The following ADAMTS17 variants were observed in gnomAD, a reference collection of about 807,000 sequenced individuals.
ADAMTS17 encodes A disintegrin and metalloproteinase with thrombospondin motifs 17.
A neutral mutation model predicts 141.5 loss-of-function variants in ADAMTS17; 113 were observed. The observed-to-expected ratio is 0.80, with a 90% CI of 0.69 to 0.93. The LOEUF (loss-of-function observed/expected upper bound fraction) is 0.93, where lower values mean the gene tolerates loss of function less well. ADAMTS17 is among the 40% of genes least tolerant of loss of function. ADAMTS17 has a pLI of 0.00. For missense variants in ADAMTS17, 1,659 were observed against 1,517.9 expected, an observed-to-expected ratio of 1.09 and a Z score of -1.54; for synonymous variants, 768 against 630.6, an observed-to-expected ratio of 1.22 and a Z score of -3.27.
At chr15:100,134,836 C>T (rs1443351482) in intron 10 of ADAMTS17, among the ~76,000 whole-genome samples, 4 of 152,292 alleles carry the variant, frequency 2.6e-5, no homozygotes, top group East Asian at 3.9e-4. Context: ...ACTGCACATG[C>T]GCTTCAGAAA....
At chr15:100,117,065 G>A in intron 12 of ADAMTS17, 52 bp from the exon 13 acceptor site, 1 of 1,548,458 alleles carries the variant, frequency 6.5e-7, no homozygotes, top group Non-Finnish European at 8.7e-7. Flanking sequence ...CCAAAGGGCA[G>A]GAGAGCTGTT....
intron 15 of ADAMTS17, among the ~76,000 whole-genome samples, chr15:100,078,148 G>A (rs2034503053): frequency 6.6e-6 from 1 of 150,822 alleles, no homozygotes; most frequent in Non-Finnish European, 1.5e-5. Flanking sequence ...AGATGACATT[G>A]TAAAAAATGT....
rs553127414 is a variant in ADAMTS17, at chr15:100,183,466, A to G, written c.1181+15852T>C. Among the ~76,000 whole-genome samples, 11 of 152,200 alleles carry G rather than the reference A, an allele frequency of 7.2e-5. No individual in the cohort carries two copies. The South Asian group carries it at 1.2e-3, about 17-fold the overall frequency. Reference sequence around the variant, plus strand: ...CAATGAGAATTTTGTTGTTGTTCCTATATTTTTTCAGTTCTATAATTTTCA... The same window carrying G: ...CAATGAGAATTTTGTTGTTGTTCCTGTATTTTTTCAGTTCTATAATTTTCA... On this transcript the variant is annotated intron_variant, in intron 8 of 21. Coordinates refer to ENST00000268070, the MANE Select transcript of ADAMTS17 (RefSeq NM_139057.4).
At position 100,262,447 on chromosome 15, in the gene ADAMTS17, G is replaced by GA. The variant is rs762353760; in HGVS notation, c.790-13dup. The GA allele has an allele frequency of 2.5e-6, 4 of 1,603,918 alleles. No individual in the cohort carries two copies. Among genetic ancestry groups the GA allele is most frequent in the Non-Finnish European group, 3.4e-6 (4 of 1,173,752 alleles). On this transcript the variant is annotated splice_polypyrimidine_tract_variant and intron_variant, in intron 4 of 21. Coordinates refer to ENST00000268070, the MANE Select transcript of ADAMTS17 (RefSeq NM_139057.4). ...AACATATTGTATACCTATCAAGACAGAAAAAAGAAATAAAGATATAAAGAT... is the reference window on the plus strand; with the variant it reads ...AACATATTGTATACCTATCAAGACAGAAAAAAAGAAATAAAGATATAAAGAT...
Position 100,072,859 on chromosome 15 carries a change from T to C in ADAMTS17, c.2138-18805A>G, listed in dbSNP as rs113907981. ...GACATAAGCATGGGGAAGGACTTCA[T>C]GTCTAAAACACCAAAAGCAATGGCA... On this transcript the variant is annotated intron_variant, in intron 15 of 21. Transcript: ENST00000268070. 2.3e-3 allele frequency among the ~76,000 whole-genome samples: 355 copies of C among 152,306 alleles called. 2 individuals are homozygous for C. Among genetic ancestry groups the C allele is most frequent in the African/African-American group, 8.1e-3 (338 of 41,574 alleles).
rs2060204506 is a variant in ADAMTS17 at position 99,971,587 on chromosome 15, T to G, written c.*2815A>C. The G allele has an allele frequency of 6.6e-6, 1 of 152,218 alleles. No homozygotes were observed. Among genetic ancestry groups the G allele is most frequent in the African/African-American group, 2.4e-5 (1 of 41,446 alleles). The allele number at this position is 152,218 out of a possible 1,614,324, so 9.4% of individuals were successfully genotyped here. ...CAGCCCCAAAAAGTAAAACAAAAAT[T>G]CCATGGGTACAGTATGTAATGCAAG... is the stretch of plus-strand genomic sequence containing the variant. On this transcript the variant is annotated 3_prime_UTR_variant, in exon 22 of 22. Transcript: ENST00000268070.
At chr15:100,252,595 T>G (rs1257314362) in intron 7 of ADAMTS17, among the ~76,000 whole-genome samples, 3 of 152,218 alleles carry the variant, frequency 2.0e-5, no homozygotes, top group Non-Finnish European at 2.9e-5. Flanking sequence ...AGCACATGCC[T>G]GGCAGCCCTG....
intron 16 of ADAMTS17, among the ~76,000 whole-genome samples, chr15:100,053,134 C>G (rs2032275658): frequency 6.6e-6 from 1 of 152,192 alleles, no homozygotes; most frequent in African/African-American, 2.4e-5. Context: ...TGCCACAAAT[C>G]CTGTTTTTTG....
At chr15:100,317,399 T>C (rs1015316168) in intron 3 of ADAMTS17, among the ~76,000 whole-genome samples, 1 of 152,166 alleles carries the variant, frequency 6.6e-6, no homozygotes, top group Non-Finnish European at 1.5e-5. Context: ...ACAGTGCCTC[T>C]GCCCCATGAG....
chr15:100,049,070 G>C, intron 17 of ADAMTS17, 78 bp from the exon 18 acceptor site: 2 of 1,607,708 alleles, frequency 1.2e-6, no homozygotes, highest in Non-Finnish European at 1.7e-6. Context: ...GCCCATGAAA[G>C]CATGTTTGGG....
Position 100,068,280 on chromosome 15 carries a change from G to A in ADAMTS17, c.2138-14226C>T, listed in dbSNP as rs540884112. Among the ~76,000 whole-genome samples, 61 of 152,050 alleles carry A rather than the reference G, an allele frequency of 4.0e-4. No homozygotes were observed. The East Asian group carries it at 5.6e-3, about 14-fold the overall frequency. ...AAGCTCGAACTGGGTGGAGCCCACC[G>A]CAGCTCAAGGAGGCCTGCCTTCCTC... On this transcript the variant is annotated intron_variant, in intron 15 of 21. Transcript: ENST00000268070.
At chr15:100,142,632 G>A (rs146713362) in intron 10 of ADAMTS17, among the ~76,000 whole-genome samples, 8 of 152,198 alleles carry the variant, frequency 5.3e-5, no homozygotes, top group African/African-American at 1.9e-4. Flanking sequence ...AGAAGACTGA[G>A]ACATAGTGAG....
chr15:100,140,660 C>T (rs1201608133), intron 10 of ADAMTS17, among the ~76,000 whole-genome samples: 1 of 152,052 alleles, frequency 6.6e-6, no homozygotes, highest in East Asian at 1.9e-4. Flanking sequence ...GTGAGACAGA[C>T]ACTTCCTGTT....
At chr15:100,097,893 G>C (rs1567168463) in intron 14 of ADAMTS17, among the ~76,000 whole-genome samples, 1 of 152,168 alleles carries the variant, frequency 6.6e-6, no homozygotes, top group Non-Finnish European at 1.5e-5. Flanking sequence ...TTTTGAAAAA[G>C]ATCTAATGGG....
intron 8 of ADAMTS17, among the ~76,000 whole-genome samples, chr15:100,173,640 C>T (rs1296418952): frequency 6.6e-6 from 1 of 152,256 alleles, no homozygotes; most frequent in Non-Finnish European, 1.5e-5. Flanking sequence ...CCAGACCTCT[C>T]TCTTATTCAC....
At chr15:100,309,621 G>A (rs1196414187) in intron 3 of ADAMTS17, among the ~76,000 whole-genome samples, 1 of 152,218 alleles carries the variant, frequency 6.6e-6, no homozygotes, top group Non-Finnish European at 1.5e-5. Context: ...CAGGCATGTG[G>A]ACAACGTACA....
chr15:100,002,010 A>AAG (rs1330420818), intron 18 of ADAMTS17, among the ~76,000 whole-genome samples: 1 of 149,880 alleles, frequency 6.7e-6, no homozygotes, highest in East Asian at 1.9e-4. Context: ...AAAAAAAAAA[A>AAG]AAAAAAGAAA....
chr15:100,235,382 C>T (rs972263262), intron 7 of ADAMTS17, among the ~76,000 whole-genome samples: 6 of 152,152 alleles, frequency 3.9e-5, no homozygotes, highest in African/African-American at 1.4e-4. Context: ...CTGACCTCCC[C>T]GACCACCCCA....
chr15:100,275,262 AT>A (rs2044041925), intron 4 of ADAMTS17, among the ~76,000 whole-genome samples: 1 of 152,142 alleles, frequency 6.6e-6, no homozygotes. Flanking sequence ...GGAAAAGCAG[AT>A]GGGTCCTGGC....
Sources: gnomAD v4.1 joint callset for allele counts (sites outside exome capture counted in the v4.1 genomes callset) on GRCh38, gnomAD v4.1.1 for gene constraint, MANE v1.5 for transcripts, NCBI Gene and HGNC (gene_info 2026-07-23, HGNC 2026-07-21) for gene names.